The following DPP6 variants were observed in gnomAD, a reference collection of about 807,000 sequenced individuals.
DPP6 encodes the protein dipeptidyl peptidase like 6.
DPP6 carries 69 observed loss-of-function variants against 122.6 expected under a neutral mutation model. That is an observed-to-expected ratio of 0.56 (90% CI 0.46 to 0.69). The LOEUF is 0.69. Among genes scored for constraint, DPP6 ranks in the 30% least tolerant of loss-of-function variants. DPP6 has a pLI of 0.00. For synonymous variants in DPP6, 418 were observed against 433.1 expected (o/e 0.97, Z 0.43); for missense variants, 928 against 1,116.9 (o/e 0.83, Z 2.41).
At chr7:154,779,191 A>C (rs1587116172) in intron 10 of DPP6, among the ~76,000 whole-genome samples, 4 of 63,998 alleles carry the variant, frequency 6.3e-5, no homozygotes, top group South Asian at 5.4e-4. Flanking sequence ...TCACCCCCAC[A>C]ACTTCTACCA....
chr7:153,992,737 A>C (rs4565381), intron 1 of DPP6, among the ~76,000 whole-genome samples: 270 of 152,320 alleles, frequency 1.8e-3, no homozygotes, highest in African/African-American at 6.4e-3. Flanking sequence ...CTCTTCTCCT[A>C]CATGCAATTG....
At chr7:154,778,789 C>T (rs1314442845) in intron 10 of DPP6, among the ~76,000 whole-genome samples, 3 of 151,510 alleles carry the variant, frequency 2.0e-5, no homozygotes, top group Admixed American at 2.0e-4. Flanking sequence ...CCACCACCAC[C>T]TCTGTCACCT....
intron 12 of DPP6, among the ~76,000 whole-genome samples, chr7:154,800,090 C>T (rs917929277): frequency 1.1e-4 from 16 of 152,312 alleles, no homozygotes; most frequent in Admixed American, 2.0e-4. Flanking sequence ...TAGCGCTACC[C>T]GCCGCACAGT....
At chr7:153,921,423 G>T (rs1800633181) in intron 1 of DPP6, among the ~76,000 whole-genome samples, 1 of 152,166 alleles carries the variant, frequency 6.6e-6, no homozygotes, top group Admixed American at 6.5e-5. Context: ...ATTAAATGCT[G>T]CTTACAAAAT....
rs185165711 is a variant in DPP6, at chr7:154,600,372, A to C, written c.627+33456A>C. Reference sequence around the variant, plus strand: ...TCGAACTCCTGACCTCAGGTGATCCACCTGCCTTGGCCTCCGAAAGAGCTG... The same window carrying C: ...TCGAACTCCTGACCTCAGGTGATCCCCCTGCCTTGGCCTCCGAAAGAGCTG... On this transcript the variant is annotated intron_variant, in intron 5 of 25. Coordinates refer to ENST00000377770, the MANE Select transcript of DPP6 (RefSeq NM_130797.4). 1.7e-5 allele frequency among the ~76,000 whole-genome samples: 2 copies of C among 118,656 alleles called. 1 individual carries two copies. The highest frequency in any genetic ancestry group is 3.8e-5 in the Non-Finnish European group (2 of 52,798). The allele number at this position is 118,656 out of a possible 152,430, so 77.8% of individuals were successfully genotyped here. A position where few individuals can be genotyped will look rare whatever the true frequency, so the allele number is the denominator to read the frequency against.
At chr7:153,776,785 A>T in the DPP6 span, among the ~76,000 whole-genome samples, 1 of 152,196 alleles carries the variant, frequency 6.6e-6, no homozygotes, top group Non-Finnish European at 1.5e-5. Context: ...AAAATTATAG[A>T]CTCACATGTA....
intron 3 of DPP6, among the ~76,000 whole-genome samples, chr7:154,538,262 G>A (rs1468642196): frequency 6.6e-6 from 1 of 152,054 alleles, no homozygotes; most frequent in East Asian, 1.9e-4. Context: ...TAAGTTCCGG[G>A]ATACATGTGC....
At chr7:154,339,267 AG>A (rs1238182501) in intron 1 of DPP6, among the ~76,000 whole-genome samples, 1 of 152,232 alleles carries the variant, frequency 6.6e-6, no homozygotes, top group Non-Finnish European at 1.5e-5. Context: ...GAAAGGAAGG[AG>A]AGTGAGGAAC....
At chr7:153,839,029 A>C in the DPP6 span, among the ~76,000 whole-genome samples, 1 of 152,138 alleles carries the variant, frequency 6.6e-6, no homozygotes, top group South Asian at 2.1e-4. Flanking sequence ...GATTCAGTAG[A>C]TCTAGGGTAG....
At chr7:154,176,192 C>T (rs1797794658) in intron 1 of DPP6, among the ~76,000 whole-genome samples, 1 of 152,210 alleles carries the variant, frequency 6.6e-6, no homozygotes, top group Admixed American at 6.5e-5. Context: ...GTCCCTGCTC[C>T]TTGCAGAGGA....
the DPP6 span, among the ~76,000 whole-genome samples, chr7:153,852,958 A>G: frequency 6.6e-6 from 1 of 152,184 alleles, no homozygotes; most frequent in East Asian, 1.9e-4. Flanking sequence ...AGGAGTATCA[A>G]GAGCTAATTT....
intron 7 of DPP6, among the ~76,000 whole-genome samples, chr7:154,708,969 G>T (rs1028980781): frequency 6.6e-5 from 10 of 151,936 alleles, no homozygotes; most frequent in African/African-American, 2.2e-4. Flanking sequence ...AATTGCTTGA[G>T]CCCAGGAGAC....
chr7:154,133,523 A>G (rs2150640376), intron 1 of DPP6, among the ~76,000 whole-genome samples: 1 of 152,314 alleles, frequency 6.6e-6, no homozygotes, highest in South Asian at 2.1e-4. Context: ...ACACAGGATG[A>G]CATTAGTTAG....
At position 154,875,895 on chromosome 7, in the gene DPP6, T is replaced by G. The variant is rs756212913; in HGVS notation, c.1884-11T>G. 1 of 1,603,036 alleles carries G rather than the reference T, an allele frequency of 6.2e-7. No individual in the cohort carries two copies. The highest frequency in any genetic ancestry group is 2.3e-5 in the East Asian group (1 of 44,376). On this transcript the variant is annotated splice_polypyrimidine_tract_variant and intron_variant, in intron 19 of 25. Coordinates refer to ENST00000377770, the MANE Select transcript of DPP6 (RefSeq NM_130797.4). This position sits in a 1 kb window ranked among gnomAD's most constrained non-coding sequence, Gnocchi z 4.5. ...GCAGCAGGCCTGCTGAGCCCGGGAT[T>G]CTCTTTCCAGGGATGGCACCCCAGG...
At chr7:154,757,636 G>A (rs186031975) in intron 8 of DPP6, among the ~76,000 whole-genome samples, 10 of 152,304 alleles carry the variant, frequency 6.6e-5, no homozygotes, top group African/African-American at 2.2e-4. Flanking sequence ...CCCTAGCTGG[G>A]GAGATCCTCA....
At chr7:154,666,517 A>T (rs1838178623) in intron 6 of DPP6, among the ~76,000 whole-genome samples, 1 of 152,126 alleles carries the variant, frequency 6.6e-6, no homozygotes, top group Admixed American at 6.5e-5. Flanking sequence ...AATAGTTAAC[A>T]TCTATTCTCT....
intron 1 of DPP6, among the ~76,000 whole-genome samples, chr7:154,002,903 C>T (rs527858113): frequency 2.4e-3 from 372 of 152,238 alleles, no homozygotes; most frequent in Middle Eastern, 0.014. Flanking sequence ...TGCCTCTGCC[C>T]GTGGCCCAGC....
chr7:154,731,773 A>G (rs958241443), intron 8 of DPP6, among the ~76,000 whole-genome samples: 3 of 152,238 alleles, frequency 2.0e-5, no homozygotes, highest in African/African-American at 2.4e-5. Context: ...CAACTTTTTA[A>G]AGTTTATTAA....
At chr7:154,014,825 C>T (rs1393529753) in intron 1 of DPP6, among the ~76,000 whole-genome samples, 1 of 151,956 alleles carries the variant, frequency 6.6e-6, no homozygotes. Flanking sequence ...AGGCAGCAAT[C>T]CTGGTTCTAA....
Sources: gnomAD v4.1 joint callset for allele counts (sites outside exome capture counted in the v4.1 genomes callset) on GRCh38, gnomAD v4.1.1 for gene constraint, Gnocchi (gnomAD v3.1) non-coding constraint, MANE v1.5 for transcripts, NCBI Gene and HGNC (gene_info 2026-07-23, HGNC 2026-07-21) for gene names.